The following GPC6 variants were observed in gnomAD, a reference collection of about 807,000 sequenced individuals.
The protein encoded by GPC6 is glypican-6.
In GPC6, 14 loss-of-function variants were observed where a neutral mutation model predicts 55.2. The ratio of observed to expected loss-of-function variants is 0.25; its 90% CI spans 0.17 to 0.40. The LOEUF is 0.40. Ranked by LOEUF, GPC6 falls within the 10% of genes least tolerant of loss-of-function variation. GPC6 has a pLI of 1.00. For synonymous variants in GPC6, 278 were observed against 259.6 expected, an observed-to-expected ratio of 1.07 and a Z score of -0.68; for missense variants, 641 against 708.5, an observed-to-expected ratio of 0.90 and a Z score of 1.08.
intron 2 of GPC6, among the ~76,000 whole-genome samples, chr13:93,813,878 A>G (rs988197587): frequency 1.9e-4 from 29 of 152,226 alleles, no homozygotes; most frequent in African/African-American, 5.3e-4. Context: ...AATTAAATAT[A>G]AAGATCATAT....
intron 3 of GPC6, among the ~76,000 whole-genome samples, chr13:94,007,412 A>G (rs1413206829): frequency 6.6e-6 from 1 of 152,188 alleles, no homozygotes; most frequent in African/African-American, 2.4e-5. Context: ...CAGTGAACAC[A>G]TGGATATTGA....
chr13:94,218,415 G>C (rs188778997), intron 4 of GPC6, among the ~76,000 whole-genome samples: 25 of 152,130 alleles, frequency 1.6e-4, no homozygotes, highest in African/African-American at 5.6e-4. Flanking sequence ...AGGTGGAAGA[G>C]GTAAAAATGG....
chr13:94,094,491 G>T (rs561359985), intron 4 of GPC6, among the ~76,000 whole-genome samples: 2 of 152,164 alleles, frequency 1.3e-5, no homozygotes, highest in African/African-American at 4.8e-5. Flanking sequence ...GGTAAGTCAC[G>T]AAAGAAAGAT....
intron 2 of GPC6, among the ~76,000 whole-genome samples, chr13:93,731,804 T>A (rs1883832316): frequency 6.6e-6 from 1 of 152,180 alleles, no homozygotes; most frequent in Non-Finnish European, 1.5e-5. Context: ...AAGGCATTTT[T>A]ATTTTTTGAA....
chr13:94,360,109 G>A (rs921012647), intron 6 of GPC6, among the ~76,000 whole-genome samples: 1 of 152,172 alleles, frequency 6.6e-6, no homozygotes, highest in Non-Finnish European at 1.5e-5. Context: ...GAAACCCAGG[G>A]GAGGAGTTGG....
At chr13:93,594,797 G>C (rs1594296224) in intron 2 of GPC6, among the ~76,000 whole-genome samples, 1 of 151,538 alleles carries the variant, frequency 6.6e-6, no homozygotes, top group East Asian at 1.9e-4. Context: ...GAGTGACACT[G>C]TCTCCCTATA....
chr13:94,260,978 A>G (rs1282691842), intron 4 of GPC6, among the ~76,000 whole-genome samples: 1 of 152,154 alleles, frequency 6.6e-6, no homozygotes, highest in Non-Finnish European at 1.5e-5. Context: ...TTGATTATGA[A>G]AATAAGGAAA....
intron 4 of GPC6, among the ~76,000 whole-genome samples, chr13:94,145,966 A>C (rs1467235012): frequency 1.6e-4 from 25 of 152,308 alleles, no homozygotes; most frequent in Non-Finnish European, 2.8e-4. Flanking sequence ...AAGAAGTCTG[A>C]GCTAAGATTT....
At chr13:93,690,230 T>A (rs572234283) in intron 2 of GPC6, among the ~76,000 whole-genome samples, 1 of 152,196 alleles carries the variant, frequency 6.6e-6, no homozygotes, top group East Asian at 1.9e-4. Context: ...GATGTTGATA[T>A]ATAATTGACC....
At chr13:93,697,800 A>T (rs1173574434) in intron 2 of GPC6, among the ~76,000 whole-genome samples, 1 of 152,194 alleles carries the variant, frequency 6.6e-6, no homozygotes, top group Non-Finnish European at 1.5e-5. Flanking sequence ...TGTGCCATTC[A>T]AAAGAGAATG....
intron 3 of GPC6, among the ~76,000 whole-genome samples, chr13:93,920,452 A>G (rs1877510735): frequency 6.6e-6 from 1 of 152,162 alleles, no homozygotes; most frequent in Non-Finnish European, 1.5e-5. Context: ...GAATTGCACA[A>G]TAGAAATGTC....
chr13:93,223,019 C>CTTTCTTT (rs1875662030), upstream of GPC6, among the ~76,000 whole-genome samples: 1 of 100,814 alleles, frequency 9.9e-6, no homozygotes, highest in Non-Finnish European at 1.9e-5. Context: ...AGGGAAAACA[C>CTTTCTTT]TTTTTTTTTT....
rs9561501 is a variant in GPC6 at position 94,107,509 on chromosome 13, A to G, written c.877+79615A>G. On this transcript the variant is annotated intron_variant, in intron 4 of 8. Transcript: ENST00000377047. ...TAGTCCAGAATCTATACTTCACTCT[A>G]CTCCTTACTAGATAAATAACCTCAG... 7.8e-4 allele frequency among the ~76,000 whole-genome samples: 118 copies of G among 150,806 alleles called. 1 individual carries two copies. In the East Asian group the frequency reaches 0.023, roughly 29 times the overall value.
chr13:94,198,387 C>A (rs937988074), intron 4 of GPC6, among the ~76,000 whole-genome samples: 1 of 152,112 alleles, frequency 6.6e-6, no homozygotes, highest in African/African-American at 2.4e-5. Flanking sequence ...ACAGGAATAA[C>A]CATTCTCTCA....
At chr13:94,233,677 T>C (rs1890795480) in intron 4 of GPC6, among the ~76,000 whole-genome samples, 6 of 152,206 alleles carry the variant, frequency 3.9e-5, no homozygotes, top group Admixed American at 3.3e-4. Flanking sequence ...GATTCGTTGT[T>C]TTGGTGTTGA....
chr13:94,285,126 T>C (rs1196808317), intron 4 of GPC6, among the ~76,000 whole-genome samples: 1 of 152,226 alleles, frequency 6.6e-6, no homozygotes, highest in Non-Finnish European at 1.5e-5. Context: ...AATAGGTGCC[T>C]ACTTATATCA....
chr13:93,497,231 A>T (rs1880338491), intron 1 of GPC6, among the ~76,000 whole-genome samples: 1 of 152,230 alleles, frequency 6.6e-6, no homozygotes. Context: ...GGGCATCTAC[A>T]TTCACATTGT....
intron 3 of GPC6, among the ~76,000 whole-genome samples, chr13:93,976,484 C>G (rs779301531): frequency 6.6e-6 from 1 of 151,442 alleles, no homozygotes; most frequent in Non-Finnish European, 1.5e-5. Flanking sequence ...AGAATTAATA[C>G]GAGGACCTAA....
intron 4 of GPC6, among the ~76,000 whole-genome samples, chr13:94,266,190 A>C (rs1210102450): frequency 7.4e-6 from 1 of 134,834 alleles, no homozygotes; most frequent in African/African-American, 2.9e-5. Flanking sequence ...GTTTTTTGAG[A>C]AGGAGTCTCG....
Sources: allele counts gnomAD v4.1 joint callset (sites outside exome capture counted in the v4.1 genomes callset), GRCh38; gene constraint gnomAD v4.1.1; transcripts MANE v1.5; gene names NCBI Gene and HGNC (gene_info 2026-07-23, HGNC 2026-07-21).